NPHP4: variants seen among roughly 807,000 people sequenced by gnomAD.
NPHP4 encodes the protein nephrocystin 4.
Under a neutral mutation model 155.8 loss-of-function variants are expected in NPHP4, and 151 were observed. The ratio of observed to expected loss-of-function variants is 0.97; its 90% CI spans 0.85 to 1.11. The LOEUF (loss-of-function observed/expected upper bound fraction) is 1.11, where lower values mean the gene tolerates loss of function less well. Ranked by LOEUF, NPHP4 falls within the 50% of genes least tolerant of loss-of-function variation. The pLI is 0.00. For missense variants in NPHP4, 1,956 were observed against 1,925.7 expected (o/e 1.02, Z -0.29); for synonymous variants, 845 against 816.8 (o/e 1.03, Z -0.59).
intron 2 of NPHP4, among the ~76,000 whole-genome samples, chr1:5,979,712 T>C (rs1179103164): frequency 6.6e-6 from 1 of 151,436 alleles, no homozygotes; most frequent in Admixed American, 6.6e-5. Context: ...TTGTAGAGAG[T>C]GGGTTTTGCC....
At position 5,863,240 on chromosome 1, in the gene NPHP4, C is replaced by T. The variant is rs1342677603; in HGVS notation, c.*25G>A. On this transcript the variant is annotated 3_prime_UTR_variant, in exon 30 of 30. Transcript: ENST00000378156. ...ACAGACAGGCCCCAGCTGGGTGCCGCAGGAAGGACGTCACCCTCAAGCCCT... is the reference window on the plus strand; with the variant it reads ...ACAGACAGGCCCCAGCTGGGTGCCGTAGGAAGGACGTCACCCTCAAGCCCT... 1.9e-6 allele frequency: 3 copies of T among 1,613,492 alleles called. No homozygotes were observed. Among genetic ancestry groups the T allele is most frequent in the Non-Finnish European group, 2.5e-6 (3 of 1,179,520 alleles).
intron 11 of NPHP4, among the ~76,000 whole-genome samples, chr1:5,920,129 A>C (rs1004617227): frequency 6.6e-6 from 1 of 152,070 alleles, no homozygotes; most frequent in Admixed American, 6.5e-5. Context: ...ATAGGGTTTC[A>C]CCATGTTAGC....
chr1:5,975,844 C>A (rs1201858490), intron 3 of NPHP4, among the ~76,000 whole-genome samples: 2 of 152,210 alleles, frequency 1.3e-5, no homozygotes, highest in Non-Finnish European at 2.9e-5. Flanking sequence ...GCATCCATTC[C>A]AAAGATCGTC....
At chr1:5,949,055 A>T (rs1647374701) in intron 7 of NPHP4, among the ~76,000 whole-genome samples, 1 of 152,222 alleles carries the variant, frequency 6.6e-6, no homozygotes, top group East Asian at 1.9e-4. Flanking sequence ...TATGCAGATA[A>T]CTGAGTATCT....
At chr1:5,893,430 G>A (rs1644242280) in intron 16 of NPHP4, among the ~76,000 whole-genome samples, 1 of 152,180 alleles carries the variant, frequency 6.6e-6, no homozygotes, top group Admixed American at 6.5e-5. Flanking sequence ...CACTGGACAG[G>A]GGGACCTTTC....
At chr1:5,894,753 A>G (rs1644309512) in intron 16 of NPHP4, among the ~76,000 whole-genome samples, 1 of 152,218 alleles carries the variant, frequency 6.6e-6, no homozygotes, top group Non-Finnish European at 1.5e-5. Flanking sequence ...CGGTAAAGAT[A>G]AACACAAAAT....
intron 11 of NPHP4, among the ~76,000 whole-genome samples, chr1:5,912,468 G>A (rs1481413912): frequency 5.3e-5 from 8 of 150,972 alleles, no homozygotes; most frequent in Non-Finnish European, 1.2e-4. Flanking sequence ...AACCCGGGAG[G>A]CGGAGCTTTC....
chr1:5,893,160 C>T (rs141594275), intron 16 of NPHP4, among the ~76,000 whole-genome samples: 2 of 152,250 alleles, frequency 1.3e-5, no homozygotes, highest in Non-Finnish European at 2.9e-5. Flanking sequence ...TGTATTAGGC[C>T]ACTGTGGGGA....
In NPHP4 at chr1:5,877,176, G is replaced by A. The variant is rs368106760; in HGVS notation, c.2734C>T (p.Arg912Cys). The A allele has an allele frequency of 7.8e-5, 126 of 1,605,710 alleles. No homozygotes were observed. The highest frequency in any genetic ancestry group is 1.0e-4 in the South Asian group (9 of 89,690). ...QDVSRESDAT[R>C]RRKLERMRSV... ...CTCATCCGCTCCAGCTTACGCCTGC[G>A]GGTGGCATCCGACTCGCGGCTGACG... Residue 912 changes from arginine to cysteine, a missense_variant, in exon 20 of 30, where the codon CGC (arginine) becomes TGC (cysteine). By Grantham distance (180) the Arg-to-Cys change is radical. Transcript: ENST00000378156.
chr1:5,928,113 T>C (rs1308135767), intron 10 of NPHP4, among the ~76,000 whole-genome samples: 1 of 152,130 alleles, frequency 6.6e-6, no homozygotes, highest in Non-Finnish European at 1.5e-5. Flanking sequence ...TTTTGGCACA[T>C]GCACAGATTC....
At chr1:5,964,929 A>T (rs1557850423) in intron 5 of NPHP4, among the ~76,000 whole-genome samples, 6 of 25,338 alleles carry the variant, frequency 2.4e-4, no homozygotes, top group Non-Finnish European at 3.9e-4. Flanking sequence ...ATATATATAT[A>T]TATATATATA....
At chr1:5,969,733 G>A (rs368427121) in intron 3 of NPHP4, among the ~76,000 whole-genome samples, 13 of 152,242 alleles carry the variant, frequency 8.5e-5, no homozygotes, top group African/African-American at 1.9e-4. Flanking sequence ...TCCTAGTATC[G>A]CCTGACACTC....
At chr1:5,877,029 G>A in intron 20 of NPHP4, 64 bp downstream of exon 20, 1 of 1,077,750 alleles carries the variant, frequency 9.3e-7, no homozygotes, top group Non-Finnish European at 1.2e-6. Context: ...GCAGGGAAAG[G>A]ATGTGCACAG....
At chr1:5,916,595 C>T (rs1238364357) in intron 11 of NPHP4, among the ~76,000 whole-genome samples, 1 of 152,222 alleles carries the variant, frequency 6.6e-6, no homozygotes, top group African/African-American at 2.4e-5. Flanking sequence ...AGCTCATTTG[C>T]ACCACCGTTC....
chr1:5,874,692 C>A (rs771083541), intron 21 of NPHP4, 35 bp from the exon 22 acceptor site: 29 of 1,603,234 alleles, frequency 1.8e-5, no homozygotes, highest in Non-Finnish European at 2.4e-5. Context: ...CAGGGCAGTT[C>A]TTCCCAGGAG....
chr1:5,880,343 T>C, intron 18 of NPHP4, 104 bp from the exon 19 acceptor site: 4 of 1,192,556 alleles, frequency 3.4e-6, no homozygotes, highest in Admixed American at 2.0e-5. Flanking sequence ...ATGGCCTATC[T>C]ACACCCTGAC....
intron 16 of NPHP4, among the ~76,000 whole-genome samples, chr1:5,894,579 T>G (rs1392262780): frequency 6.6e-6 from 1 of 152,070 alleles, no homozygotes; most frequent in African/African-American, 2.4e-5. Context: ...AAAATACTAC[T>G]TATCAGTATC....
At chr1:5,923,290 T>C (rs538967098) in intron 11 of NPHP4, among the ~76,000 whole-genome samples, 1 of 152,180 alleles carries the variant, frequency 6.6e-6, no homozygotes, top group Non-Finnish European at 1.5e-5. Context: ...TAAAATACAT[T>C]TTCTTTTAAA....
Position 5,944,259 on chromosome 1 carries a change from C to CG in NPHP4, c.1119+2844_1119+2845insC, listed in dbSNP as rs1646970048. 1.3e-5 allele frequency among the ~76,000 whole-genome samples: 2 copies of CG among 152,172 alleles called. No homozygotes were observed. The highest frequency in any genetic ancestry group is 4.8e-5 in the African/African-American group (2 of 41,432). On this transcript the variant is annotated intron_variant, in intron 9 of 29. Coordinates refer to ENST00000378156, the MANE Select transcript of NPHP4 (RefSeq NM_015102.5). This position sits in a 1 kb window ranked among gnomAD's most constrained non-coding sequence, Gnocchi z 4.3. ...CACCACGCAGGGTCCTCACCAAAGA[C>CG]AAGGAGGAGGACGCTGCAGCCGGAA...
Sources: allele counts gnomAD v4.1 joint callset (sites outside exome capture counted in the v4.1 genomes callset), GRCh38; gene constraint gnomAD v4.1.1; non-coding constraint Gnocchi (gnomAD v3.1); transcripts MANE v1.5; gene names NCBI Gene and HGNC (gene_info 2026-07-23, HGNC 2026-07-21).